The following ANO10 variants were observed in gnomAD, a reference collection of about 807,000 sequenced individuals.
The protein encoded by ANO10 is anoctamin 10.
ANO10 carries 77 observed loss-of-function variants against 74.7 expected under a neutral mutation model. That is an observed-to-expected ratio of 1.03 (90% CI 0.86 to 1.25). ANO10 has a LOEUF of 1.25. ANO10 is among the 50% of genes most tolerant of loss of function. The pLI is 0.00. For synonymous variants in ANO10, 279 were observed against 284.9 expected, an observed-to-expected ratio of 0.98 and a Z score of 0.21; for missense variants, 721 against 778.1, an observed-to-expected ratio of 0.93 and a Z score of 0.87.
At chr3:43,465,280 C>T (rs2075565489) in intron 11 of ANO10, among the ~76,000 whole-genome samples, 1 of 152,154 alleles carries the variant, frequency 6.6e-6, no homozygotes, top group Non-Finnish European at 1.5e-5. Flanking sequence ...GTGTAAACAT[C>T]ATAGACAGTA....
At chr3:43,429,969 C>T (rs1575770604) in intron 12 of ANO10, among the ~76,000 whole-genome samples, 1 of 152,184 alleles carries the variant, frequency 6.6e-6, no homozygotes, top group East Asian at 1.9e-4. Flanking sequence ...GAAGACTGAA[C>T]CAATTTACAC....
chr3:43,522,387 T>C (rs2077996319), intron 11 of ANO10, among the ~76,000 whole-genome samples: 1 of 152,190 alleles, frequency 6.6e-6, no homozygotes. Context: ...TTCTTTATGA[T>C]CATAGCAATA....
At chr3:43,654,935 T>TG (rs1353451665) in intron 1 of ANO10, among the ~76,000 whole-genome samples, 6 of 152,218 alleles carry the variant, frequency 3.9e-5, no homozygotes, top group African/African-American at 1.2e-4. Context: ...AGTTACAACT[T>TG]GAAGTACCAG....
chr3:43,530,393 T>C (rs985935392), intron 11 of ANO10, among the ~76,000 whole-genome samples: 41 of 149,842 alleles, frequency 2.7e-4, no homozygotes, highest in Non-Finnish European at 3.6e-4. Context: ...AGAGGTTATA[T>C]AGGTTATATA....
chr3:43,645,799 T>A (rs968402441), intron 1 of ANO10, among the ~76,000 whole-genome samples: 1 of 152,114 alleles, frequency 6.6e-6, no homozygotes, highest in Non-Finnish European at 1.5e-5. Context: ...TATTTAAGTA[T>A]CTCTGCCTGG....
At chr3:43,426,403 T>C (rs7650267) in intron 12 of ANO10, among the ~76,000 whole-genome samples, 22,863 of 152,200 alleles carry the variant, frequency 0.15, 1,903 homozygotes, top group African/African-American at 0.19. Context: ...CCTGGCCCAG[T>C]TGGCCTGTCT....
intron 12 of ANO10, among the ~76,000 whole-genome samples, chr3:43,370,166 C>T (rs1018120496): frequency 6.6e-6 from 1 of 152,160 alleles, no homozygotes; most frequent in African/African-American, 2.4e-5. Context: ...ACACCCTCCC[C>T]GATGGGGAAG....
chr3:43,595,286 C>G (rs1408214488), intron 4 of ANO10, among the ~76,000 whole-genome samples: 2 of 152,162 alleles, frequency 1.3e-5, no homozygotes, highest in Non-Finnish European at 2.9e-5. Context: ...ATCCTGATAC[C>G]AAAGCCTGGC....
chr3:43,563,927 C>A (rs2080179814), intron 8 of ANO10, among the ~76,000 whole-genome samples: 1 of 152,002 alleles, frequency 6.6e-6, no homozygotes, highest in Non-Finnish European at 1.5e-5. Context: ...GAAATAAGTT[C>A]TAACATATGA....
intron 3 of ANO10, among the ~76,000 whole-genome samples, chr3:43,599,905 CAAA>C (rs57600272): frequency 9.8e-6 from 1 of 102,306 alleles, no homozygotes; most frequent in Non-Finnish European, 2.1e-5. Context: ...GACTCTGTCT[CAAA>C]AAAAAAAAAA....
At chr3:43,376,301 G>GT (rs2091804224) in intron 12 of ANO10, among the ~76,000 whole-genome samples, 1 of 152,198 alleles carries the variant, frequency 6.6e-6, no homozygotes, top group East Asian at 1.9e-4. Context: ...TGAATGGACG[G>GT]TTTTTTGAAA....
At position 43,395,140 on chromosome 3, in the gene ANO10, A is replaced by G. The variant is rs72863663; in HGVS notation, c.1915-28166T>C. ...AGAGATGGTAATAATCAATGTTATT[A>G]TCAGGTAATTATCAGGGTAATTATC... is the stretch of plus-strand genomic sequence containing the variant. On this transcript the variant is annotated intron_variant, in intron 12 of 12. Transcript: ENST00000292246. Among the ~76,000 whole-genome samples the G allele has an allele frequency of 5.8e-3, 887 of 152,280 alleles. 7 individuals are homozygous for G. The highest frequency in any genetic ancestry group is 0.019 in the African/African-American group (803 of 41,558).
chr3:43,373,048 C>T (rs1183951134), intron 12 of ANO10, among the ~76,000 whole-genome samples: 1 of 152,148 alleles, frequency 6.6e-6, no homozygotes, highest in Non-Finnish European at 1.5e-5. Context: ...AGAAAACACA[C>T]CAGTAGGATG....
chr3:43,547,626 G>C (rs561182732), intron 11 of ANO10, among the ~76,000 whole-genome samples: 12 of 152,182 alleles, frequency 7.9e-5, no homozygotes, highest in Admixed American at 3.3e-4. Context: ...GAACCTAGAG[G>C]GTAACAGCCA....
At chr3:43,574,748 A>G in intron 7 of ANO10, 61 bp downstream of exon 7, 1 of 1,272,616 alleles carries the variant, frequency 7.9e-7, no homozygotes, top group Non-Finnish European at 1.1e-6. Flanking sequence ...TTGTATTCCT[A>G]TATATTATGT....
At chr3:43,602,114 C>T (rs1469559925) in intron 2 of ANO10, among the ~76,000 whole-genome samples, 2 of 152,124 alleles carry the variant, frequency 1.3e-5, no homozygotes, top group Non-Finnish European at 2.9e-5. Flanking sequence ...CCTTCCTTTC[C>T]TCTCTCCTTT....
chr3:43,666,841 G>A (rs2149575474), intron 1 of ANO10, among the ~76,000 whole-genome samples: 1 of 152,174 alleles, frequency 6.6e-6, no homozygotes, highest in South Asian at 2.1e-4. Flanking sequence ...TCTTCACATG[G>A]CAGAATGGCA....
chr3:43,418,071 G>A, intron 12 of ANO10, among the ~76,000 whole-genome samples: 1 of 152,238 alleles, frequency 6.6e-6, no homozygotes, highest in Non-Finnish European at 1.5e-5. Flanking sequence ...AAGGTCAGGA[G>A]TTAAAGACTG....
chr3:43,597,014 T>G (rs540050133), intron 4 of ANO10, among the ~76,000 whole-genome samples: 6 of 152,190 alleles, frequency 3.9e-5, no homozygotes, highest in African/African-American at 1.4e-4. Flanking sequence ...CATGAAAAAA[T>G]GCTCATCATC....
Sources: gnomAD v4.1 joint callset for allele counts (sites outside exome capture counted in the v4.1 genomes callset) on GRCh38, gnomAD v4.1.1 for gene constraint, MANE v1.5 for transcripts, NCBI Gene and HGNC (gene_info 2026-07-23, HGNC 2026-07-21) for gene names.